The following SPACA3 variants were observed in gnomAD, a reference collection of about 807,000 sequenced individuals.
SPACA3 encodes sperm acrosome membrane-associated protein 3.
SPACA3 carries 21 observed loss-of-function variants against 24.5 expected under a neutral mutation model. The ratio of observed to expected loss-of-function variants is 0.86; its 90% CI spans 0.61 to 1.24. The LOEUF is 1.24. SPACA3 is among the 50% of genes most tolerant of loss of function. SPACA3 has a pLI of 0.00. For missense variants in SPACA3, 278 were observed against 275.5 expected, an observed-to-expected ratio of 1.01 and a Z score of -0.06; for synonymous variants, 115 against 106.9, an observed-to-expected ratio of 1.08 and a Z score of -0.47.
Position 32,996,854 on chromosome 17 carries a change from G to T in SPACA3, c.355G>T (p.Ala119Ser). ...GYSLADWVCL[A>S]YFTSGFNAAA... ...TCTGCCCTATGCAGGGGTCTGCCTTGCTTATTTCACAAGCGGTTTCAACGC... is the reference window on the plus strand; with the variant it reads ...TCTGCCCTATGCAGGGGTCTGCCTTTCTTATTTCACAAGCGGTTTCAACGC... The change falls in exon 3 of 5, where the codon GCT becomes TCT. Residue 119 changes from alanine (A) to serine (S), a missense_variant. Transcript: ENST00000269053. The T allele has an allele frequency of 1.3e-6, 2 of 1,597,936 alleles. No individual in the cohort carries two copies. The highest frequency in any genetic ancestry group is 1.7e-6 in the Non-Finnish European group (2 of 1,171,810).
chr17:32,997,346 G>GTGTGTGT (rs2091728584), intron 3 of SPACA3, 99 bp from the exon 4 acceptor site: 3 of 399,226 alleles, frequency 7.5e-6, no homozygotes, highest in African/African-American at 6.8e-5. Flanking sequence ...TGTGTGTGTA[G>GTGTGTGT]AGAGAGAGAG....
At position 32,995,707 on chromosome 17, in the gene SPACA3, C is replaced by T. The variant is rs1249604503; in HGVS notation, c.333C>T (p.Ser111=). 6.2e-7 allele frequency: 1 copy of T among 1,612,226 alleles called. No homozygotes were observed. The change falls in exon 2 of 5, where the codon AGC becomes AGT. Residue 111 remains serine, a synonymous_variant. Coordinates refer to ENST00000269053, the MANE Select transcript of SPACA3 (RefSeq NM_173847.5). ...DFGLDGYRGY[S]LADWVCLAYF... ...GGCTGGACGGATACCGGGGATACAG[C>T]CTGGCTGACTGTGAGAACCCCTCTC...
rs753643627 is a variant in SPACA3 at position 32,995,638 on chromosome 17, G to C, written c.264G>C (p.Lys88Asn). The C allele has an allele frequency of 1.9e-6, 3 of 1,614,248 alleles. No homozygotes were observed. Among genetic ancestry groups the C allele is most frequent in the Admixed American group, 3.3e-5 (2 of 60,026 alleles). The change falls in exon 2 of 5, where the codon AAG becomes AAC. Residue 88 changes from lysine (K) to asparagine (N), a missense_variant. Lys to Asn is a moderately conservative substitution (Grantham distance 94). Transcript: ENST00000269053. ...GCCTGCTACCCTCCAGTGAGGCCAA[G>C]CTCTACGGTCGTTGTGAACTGGCCA... ...LSCLLPSSEAKLYGRCELARV... is the reference protein window; with the variant it reads ...LSCLLPSSEANLYGRCELARV...
Position 32,997,018 on chromosome 17 carries a change from C to T in SPACA3, c.502+17C>T. On this transcript the variant is annotated intron_variant, in intron 3 of 4. Coordinates refer to ENST00000269053, the MANE Select transcript of SPACA3 (RefSeq NM_173847.5). ...ACTGCTCAGGTAGCTGGGCCTGGGC[C>T]CAGGGCTGGCAGGAGTCAGGCCCTG... The T allele has an allele frequency of 6.7e-7, 1 of 1,495,512 alleles. No individual in the cohort carries two copies. Among genetic ancestry groups the T allele is most frequent in the Non-Finnish European group, 8.9e-7 (1 of 1,120,862 alleles). 92.6% of individuals were successfully genotyped at this position (1,495,512 alleles called of 1,614,324 possible). A position where few individuals can be genotyped will look rare whatever the true frequency, so the allele number is the denominator to read the frequency against.
At chr17:32,995,854 T>C in intron 2 of SPACA3, 137 bp downstream of exon 2, 1 of 1,066,620 alleles carries the variant, frequency 9.4e-7, no homozygotes, top group Non-Finnish European at 1.3e-6. Context: ...TGATTTGAGA[T>C]GGCAGGTAGA....
In SPACA3 at chr17:32,995,592, C is replaced by T. The variant is rs898882623; in HGVS notation, c.218C>T (p.Ala73Val). Reference sequence around the variant, plus strand: ...TGCCCAGCTGGGATCATGTTGTTGGCCCTGGTCTGTCTGCTCAGCTGCCTG... The same window carrying T: ...TGCCCAGCTGGGATCATGTTGTTGGTCCTGGTCTGTCTGCTCAGCTGCCTG... ...RWCPAGIMLL[A>V]LVCLLSCLLP... The change falls in exon 2 of 5, where the codon GCC (alanine) becomes GTC (valine). Residue 73 changes from alanine to valine, a missense_variant. By Grantham distance (64) the Ala-to-Val change is moderately conservative. Coordinates refer to ENST00000269053, the MANE Select transcript of SPACA3 (RefSeq NM_173847.5). The T allele has an allele frequency of 1.2e-6, 2 of 1,614,222 alleles. No homozygotes were observed. Among genetic ancestry groups the T allele is most frequent in the African/African-American group, 1.3e-5 (1 of 75,062 alleles).
rs1219847548 is a variant in SPACA3 at position 32,997,015 on chromosome 17, G to A, written c.502+14G>A. The A allele has an allele frequency of 1.3e-6, 2 of 1,498,670 alleles. No individual in the cohort carries two copies. The highest frequency in any genetic ancestry group is 2.4e-5 in the East Asian group (1 of 41,074). 92.8% of individuals were successfully genotyped at this position (1,498,670 alleles called of 1,614,324 possible). ...TGTACTGCTCAGGTAGCTGGGCCTG[G>A]GCCCAGGGCTGGCAGGAGTCAGGCC... On this transcript the variant is annotated intron_variant, in intron 3 of 4. Transcript: ENST00000269053.
chr17:32,992,069 T>TC, intron 1 of SPACA3, 97 bp downstream of exon 1: 1 of 1,370,614 alleles, frequency 7.3e-7, no homozygotes, highest in Non-Finnish European at 1.0e-6. Context: ...GTGGTTAGGG[T>TC]GGGGTTATCC....
At chr17:32,992,806 A>C (rs887771454) in intron 1 of SPACA3, 1 of 447,310 alleles carries the variant, frequency 2.2e-6, no homozygotes, top group African/African-American at 2.0e-5. Flanking sequence ...TGAATGAGGG[A>C]GTGGGCCGCA....
intron 1 of SPACA3, 61 bp from the exon 2 acceptor site, chr17:32,995,348 T>C (rs1273473701): frequency 5.4e-6 from 8 of 1,481,636 alleles, no homozygotes; most frequent in Non-Finnish European, 7.3e-6. Flanking sequence ...GCAAGGGGGC[T>C]GATACGTGCT....
intron 1 of SPACA3, among the ~76,000 whole-genome samples, chr17:32,993,515 G>C (rs915467623): frequency 1.3e-5 from 2 of 152,152 alleles, no homozygotes; most frequent in African/African-American, 2.4e-5. Flanking sequence ...GGAGCATCGT[G>C]GAAACCAGGA....
chr17:32,992,757 T>C, intron 1 of SPACA3: 1 of 400,866 alleles, frequency 2.5e-6, no homozygotes, highest in East Asian at 7.1e-5. Flanking sequence ...AGCAAGGTCA[T>C]TGTGAGAGAA....
At chr17:32,993,805 C>T (rs557071728) in intron 1 of SPACA3, among the ~76,000 whole-genome samples, 4 of 151,936 alleles carry the variant, frequency 2.6e-5, no homozygotes, top group African/African-American at 4.8e-5. Context: ...AAAGTCTCTA[C>T]GAGCAGGGGA....
chr17:32,994,616 G>C (rs1300077974), intron 1 of SPACA3, among the ~76,000 whole-genome samples: 1 of 152,194 alleles, frequency 6.6e-6, no homozygotes, highest in Non-Finnish European at 1.5e-5. Context: ...CAGAGGTGGT[G>C]GGCAGTGGGA....
chr17:32,994,603 T>G (rs2091710920), intron 1 of SPACA3, among the ~76,000 whole-genome samples: 1 of 152,080 alleles, frequency 6.6e-6, no homozygotes, highest in Non-Finnish European at 1.5e-5. Flanking sequence ...TGGGAAGGCT[T>G]GTCAGAGGTG....
intron 3 of SPACA3, 105 bp downstream of exon 3, chr17:32,997,106 C>G (rs1267629868): frequency 3.0e-6 from 4 of 1,327,232 alleles, no homozygotes; most frequent in East Asian, 5.0e-5. Flanking sequence ...AGGGTTCCCC[C>G]ACATCAGGCT....
intron 2 of SPACA3, among the ~76,000 whole-genome samples, chr17:32,996,264 G>T (rs2091721037): frequency 6.6e-6 from 1 of 152,130 alleles, no homozygotes; most frequent in South Asian, 2.1e-4. Context: ...AAGGCAGGTG[G>T]ATCACTCTGA....
chr17:32,993,065 G>A, intron 1 of SPACA3: 1 of 412,254 alleles, frequency 2.4e-6, no homozygotes, highest in Non-Finnish European at 4.9e-6. Context: ...AGGACATTGG[G>A]ACTGATTGGT....
intron 1 of SPACA3, among the ~76,000 whole-genome samples, chr17:32,993,522 A>G (rs1455356122): frequency 1.3e-5 from 2 of 152,170 alleles, no homozygotes; most frequent in Non-Finnish European, 2.9e-5. Context: ...CGTGGAAACC[A>G]GGAGAGGCAA....
Sources: gnomAD v4.1 joint callset for allele counts (sites outside exome capture counted in the v4.1 genomes callset) on GRCh38, gnomAD v4.1.1 for gene constraint, MANE v1.5 for transcripts, NCBI Gene and HGNC (gene_info 2026-07-23, HGNC 2026-07-21) for gene names.